The following UGT1A1 variants were observed in gnomAD, a reference collection of about 807,000 sequenced individuals.
The protein encoded by UGT1A1 is UDP glucuronosyltransferase family 1 member A1.
UGT1A1 carries 33 observed loss-of-function variants against 40.6 expected under a neutral mutation model. That is an observed-to-expected ratio of 0.81 (90% CI 0.62 to 1.09). The LOEUF (loss-of-function observed/expected upper bound fraction) is 1.09. Among genes scored for constraint, UGT1A1 ranks in the 50% least tolerant of loss-of-function variants. The pLI, the probability that UGT1A1 is intolerant of heterozygous loss-of-function variation, is 0.00. For missense variants in UGT1A1, 694 were observed against 671.2 expected (o/e 1.03, Z -0.38); for synonymous variants, 249 against 265.0 (o/e 0.94, Z 0.59).
chr2:233,770,833 T>C (rs1328938186), intron 4 of UGT1A1: 1 of 152,206 alleles, frequency 6.6e-6, no homozygotes, highest in Non-Finnish European at 1.5e-5. Context: ...TGCATTGCTG[T>C]AAAGAAATAC....
chr2:233,770,051 A>G (rs1483114372), intron 4 of UGT1A1: 1 of 154,750 alleles, frequency 6.5e-6, no homozygotes, highest in Non-Finnish European at 1.4e-5. Flanking sequence ...CTTGAGGCTC[A>G]CATTATGGAT....
At position 233,772,550 on chromosome 2, in the gene UGT1A1, G is replaced by A. The variant is rs762374323; in HGVS notation, c.1593G>A (p.Lys531=). The change falls in exon 5 of 5, where the codon AAG becomes AAA. Residue 531 remains lysine, a synonymous_variant. Transcript: ENST00000305208. ...GAGTTAAGAAAGCCCACAAATCCAA[G>A]ACCCATTGAGAAGTGGGTGGGAAAT... ...KGRVKKAHKS[K]TH 21 of 1,613,880 alleles carry A rather than the reference G, an allele frequency of 1.3e-5. No homozygotes were observed. The highest frequency in any genetic ancestry group is 1.5e-5 in the Non-Finnish European group (18 of 1,179,970).
rs770564267 is a variant in UGT1A1 at position 233,772,524 on chromosome 2, C to A, written c.1567C>A (p.Arg523=). 1.2e-6 allele frequency: 2 copies of A among 1,613,956 alleles called. No individual in the cohort carries two copies. The highest frequency in any genetic ancestry group is 2.2e-5 in the East Asian group (1 of 44,874). Residue 523 remains arginine (R), a synonymous_variant, in exon 5 of 5, where the codon CGA becomes AGA. Transcript: ENST00000305208. ...GYRKCLGKKG[R]VKKAHKSKTH ...CCGGAAATGCTTGGGGAAAAAAGGG[C>A]GAGTTAAGAAAGCCCACAAATCCAA...
intron 1 of UGT1A1, among the ~76,000 whole-genome samples, chr2:233,764,716 G>C (rs1292483836): frequency 6.6e-6 from 1 of 152,182 alleles, no homozygotes; most frequent in Non-Finnish European, 1.5e-5. Context: ...GTCTCCCCAA[G>C]AAAGAGGGAG....
chr2:233,762,662 A>G (rs1559409315), intron 1 of UGT1A1, among the ~76,000 whole-genome samples: 1 of 152,070 alleles, frequency 6.6e-6, no homozygotes, highest in Non-Finnish European at 1.5e-5. Flanking sequence ...TTTGTAGTTT[A>G]AAAAACATTT....
rs1399305779 is a variant in UGT1A1, at chr2:233,769,284, T to C, written c.1304+845T>C. 6.6e-6 allele frequency among the ~76,000 whole-genome samples: 1 copy of C among 152,226 alleles called. No individual in the cohort carries two copies. The highest frequency in any genetic ancestry group is 1.5e-5 in the Non-Finnish European group (1 of 68,038). ...AACGATTCAAAGGGCAAATGATTTC[T>C]GGATTAAAGTTAGTATATTACTGTC... On this transcript the variant is annotated intron_variant, in intron 4 of 4. Coordinates refer to ENST00000305208, the MANE Select transcript of UGT1A1 (RefSeq NM_000463.3). The surrounding 1 kb of genome is among the most constrained non-coding windows in gnomAD (Gnocchi z 4.4).
intron 1 of UGT1A1, among the ~76,000 whole-genome samples, chr2:233,766,023 T>C (rs1365175031): frequency 6.6e-6 from 1 of 152,110 alleles, no homozygotes; most frequent in Non-Finnish European, 1.5e-5. Context: ...TTCTTTTAGT[T>C]TTGCCCTCTA....
intron 1 of UGT1A1, among the ~76,000 whole-genome samples, chr2:233,766,739 C>T (rs1028534873): frequency 6.6e-6 from 1 of 152,120 alleles, no homozygotes; most frequent in East Asian, 1.9e-4. Context: ...TGTGTATGTA[C>T]AGGTGTGTGC....
intron 1 of UGT1A1, among the ~76,000 whole-genome samples, chr2:233,764,478 C>G (rs370150887): frequency 6.6e-6 from 1 of 152,082 alleles, no homozygotes; most frequent in Non-Finnish European, 1.5e-5. Context: ...TATTTAACTT[C>G]GAATGTTTAT....
chr2:233,760,741 C>G lies in UGT1A1; in HGVS notation c.454C>G (p.Pro152Ala). 6.2e-7 allele frequency: 1 copy of G among 1,614,110 alleles called. No homozygotes were observed. The highest frequency in any genetic ancestry group is 1.1e-5 in the South Asian group (1 of 91,070). Residue 152 changes from proline (P) to alanine (A), a missense_variant, in exon 1 of 5, where the codon CCT becomes GCT. Coordinates refer to ENST00000305208, the MANE Select transcript of UGT1A1 (RefSeq NM_000463.3). The part of the protein sequence containing the change: ...ESSFDVMLTD[P>A]FLPCSPIVAQ... ...CAGCTTTGATGTCATGCTGACGGACCCTTTCCTTCCTTGCAGCCCCATCGT... is the reference window on the plus strand; with the variant it reads ...CAGCTTTGATGTCATGCTGACGGACGCTTTCCTTCCTTGCAGCCCCATCGT...
At position 233,767,254 on chromosome 2, in the gene UGT1A1, G is replaced by A. The variant is rs35359603; in HGVS notation, c.996+89G>A. The A allele has an allele frequency of 2.3e-4, 374 of 1,598,070 alleles. 1 individual carries two copies. In the African/African-American group the frequency reaches 4.6e-3, roughly 20 times the overall value. ...AGCTTCCAGATTAATTCTCTTAATTGGAACCTTAGATTTGGCTTTTCCCTG... is the reference window on the plus strand; with the variant it reads ...AGCTTCCAGATTAATTCTCTTAATTAGAACCTTAGATTTGGCTTTTCCCTG... On this transcript the variant is annotated intron_variant, in intron 2 of 4. Transcript: ENST00000305208.
chr2:233,767,288 C>T (rs1214442488), intron 2 of UGT1A1, 123 bp downstream of exon 2: 1 of 1,566,280 alleles, frequency 6.4e-7, no homozygotes, highest in African/African-American at 1.4e-5. Flanking sequence ...TGCCACTTCC[C>T]AACTATTAAT....
At chr2:233,766,402 C>T (rs1334615620) in intron 1 of UGT1A1, among the ~76,000 whole-genome samples, 1 of 152,212 alleles carries the variant, frequency 6.6e-6, no homozygotes, top group African/African-American at 2.4e-5. Context: ...TTGCGTCCCT[C>T]CGCTGATGTG....
At chr2:233,763,451 A>G (rs1353654111) in intron 1 of UGT1A1, among the ~76,000 whole-genome samples, 1 of 152,150 alleles carries the variant, frequency 6.6e-6, no homozygotes, top group African/African-American at 2.4e-5. Flanking sequence ...CATTTTGCCT[A>G]TTTGAATCTA....
At chr2:233,765,565 G>A (rs1156273508) in intron 1 of UGT1A1, among the ~76,000 whole-genome samples, 1 of 152,072 alleles carries the variant, frequency 6.6e-6, no homozygotes, top group Non-Finnish European at 1.5e-5. Context: ...GTGAGAATGC[G>A]TAGACGCAGG....
In UGT1A1 at chr2:233,760,728, C is replaced by T. The variant is rs1697540030; in HGVS notation, c.441C>T (p.Val147=). 1 of 1,614,064 alleles carries T rather than the reference C, an allele frequency of 6.2e-7. No individual in the cohort carries two copies. Among genetic ancestry groups the T allele is most frequent in the African/African-American group, 1.3e-5 (1 of 74,916 alleles). ...CCCTGGCAGAAAGCAGCTTTGATGTCATGCTGACGGACCCTTTCCTTCCTT... is the reference window on the plus strand; with the variant it reads ...CCCTGGCAGAAAGCAGCTTTGATGTTATGCTGACGGACCCTTTCCTTCCTT... ...MASLAESSFD[V]MLTDPFLPCS... The change falls in exon 1 of 5, where the codon GTC becomes GTT. Residue 147 remains valine (V), a synonymous_variant. Transcript: ENST00000305208.
chr2:233,764,699 G>A (rs1698625659), intron 1 of UGT1A1, among the ~76,000 whole-genome samples: 1 of 152,188 alleles, frequency 6.6e-6, no homozygotes, highest in African/African-American at 2.4e-5. Flanking sequence ...ACTTGGAAAT[G>A]AGCTGTGTCT....
Position 233,760,880 on chromosome 2 carries a change from C to T in UGT1A1, c.593C>T (p.Ser198Phe). Residue 198 changes from serine (S) to phenylalanine (F), a missense_variant, in exon 1 of 5, where the codon TCC becomes TTC. Ser to Phe is a radical substitution (Grantham distance 155, BLOSUM62 -2). Coordinates refer to ENST00000305208, the MANE Select transcript of UGT1A1 (RefSeq NM_000463.3). ...NPFSYVPRPL[S>F]SHSDHMTFLQ... ...TTCTCCTACGTGCCCAGGCCTCTCTCCTCTCATTCAGATCACATGACCTTC... is the reference window on the plus strand; with the variant it reads ...TTCTCCTACGTGCCCAGGCCTCTCTTCTCTCATTCAGATCACATGACCTTC... 2 of 1,614,166 alleles carry T rather than the reference C, an allele frequency of 1.2e-6. No homozygotes were observed. Among genetic ancestry groups the T allele is most frequent in the Non-Finnish European group, 1.7e-6 (2 of 1,180,034 alleles).
rs1384998466 is a variant in UGT1A1 at position 233,761,150 on chromosome 2, A to G, written c.863A>G (p.Gln288Arg). The G allele has an allele frequency of 1.2e-6, 2 of 1,614,204 alleles. No individual in the cohort carries two copies. The highest frequency in any genetic ancestry group is 1.7e-6 in the Non-Finnish European group (2 of 1,180,046). ...TGCCTTCACCAAAATCCACTATCCC[A>G]GGTGTGTATTGGAGTGGGACTTTTA... ...INCLHQNPLSQEFEAYINASG... is the reference protein window; with the variant it reads ...INCLHQNPLSREFEAYINASG... Residue 288 changes from glutamine to arginine, a missense_variant and splice_region_variant, in exon 1 of 5, where the codon CAG becomes CGG. By Grantham distance (43) the Gln-to-Arg change is conservative (BLOSUM62 1). Transcript: ENST00000305208.
Sources: gnomAD v4.1 joint callset for allele counts (sites outside exome capture counted in the v4.1 genomes callset) on GRCh38, gnomAD v4.1.1 for gene constraint, Gnocchi (gnomAD v3.1) non-coding constraint, MANE v1.5 for transcripts, NCBI Gene and HGNC (gene_info 2026-07-23, HGNC 2026-07-21) for gene names.